Variants in KCNK10 observed in about 807,000 individuals in gnomAD.
KCNK10 encodes potassium two pore domain channel subfamily K member 10.
A neutral mutation model predicts 47.7 loss-of-function variants in KCNK10; 25 were observed. The observed-to-expected ratio is 0.52, with a 90% CI of 0.38 to 0.73. The LOEUF is 0.73. Among genes scored for constraint, KCNK10 ranks in the 30% least tolerant of loss-of-function variants. KCNK10 has a pLI of 0.00. For synonymous variants in KCNK10, 303 were observed against 285.6 expected (o/e 1.06, Z -0.61); for missense variants, 563 against 714.5 (o/e 0.79, Z 2.42).
chr14:88,214,186 ACCT>A (rs1302046764), intron 4 of KCNK10, among the ~76,000 whole-genome samples: 1 of 151,900 alleles, frequency 6.6e-6, no homozygotes, highest in Non-Finnish European at 1.5e-5. Context: ...TGATCCGCCC[ACCT>A]CAGCCTCCCA....
At chr14:88,285,661 G>A (rs1458925598) in intron 1 of KCNK10, among the ~76,000 whole-genome samples, 1 of 152,090 alleles carries the variant, frequency 6.6e-6, no homozygotes, top group Non-Finnish European at 1.5e-5. Context: ...TACAACTTAG[G>A]TTAAGATTAC....
At chr14:88,277,789 T>C (rs1183414991) in intron 1 of KCNK10, among the ~76,000 whole-genome samples, 2 of 152,128 alleles carry the variant, frequency 1.3e-5, no homozygotes, top group Admixed American at 6.5e-5. Flanking sequence ...GAATTTTCCA[T>C]ACCAGAGAGC....
chr14:88,291,745 G>C (rs1887883085), intron 1 of KCNK10, among the ~76,000 whole-genome samples: 1 of 152,202 alleles, frequency 6.6e-6, no homozygotes, highest in African/African-American at 2.4e-5. Flanking sequence ...GGGAAAATCA[G>C]ACATGGGTGC....
rs1420021235 is a variant in KCNK10 at position 88,310,212 on chromosome 14, C to CATATGATATGGT, written c.52+12534_52+12535insACCATATCATAT. On this transcript the variant is annotated intron_variant, in intron 1 of 6. Coordinates refer to ENST00000319231, the MANE Select transcript of KCNK10 (RefSeq NM_138317.3). ...CCATATCATATGGTATATGATATAC[C>CATATGATATGGT]ATATCATATGGTATATGATATACCA... Among the ~76,000 whole-genome samples the CATATGATATGGT allele has an allele frequency of 4.5e-5, 6 of 133,376 alleles. 1 individual carries two copies. The highest frequency in any genetic ancestry group is 4.7e-4 in the South Asian group (2 of 4,300). The allele number at this position is 133,376 out of a possible 152,430, so 87.5% of individuals were successfully genotyped here. A position where few individuals can be genotyped will look rare whatever the true frequency, so the allele number is the denominator to read the frequency against.
chr14:88,240,875 T>G, intron 2 of KCNK10, 55 bp from the exon 3 acceptor site: 1 of 1,172,844 alleles, frequency 8.5e-7, no homozygotes, highest in Non-Finnish European at 1.2e-6. Context: ...TTATTTTTTT[T>G]TTCTTCAAAA....
chr14:88,224,612 TATTG>T (rs1566691837), intron 4 of KCNK10, among the ~76,000 whole-genome samples: 9 of 152,212 alleles, frequency 5.9e-5, no homozygotes. Context: ...TTACTTTATT[TATTG>T]ATTGATTGAT....
At chr14:88,271,541 C>T (rs1887405550) in intron 1 of KCNK10, among the ~76,000 whole-genome samples, 1 of 152,222 alleles carries the variant, frequency 6.6e-6, no homozygotes, top group African/African-American at 2.4e-5. Context: ...GCTCCAAACA[C>T]TCAGTTCGGG....
At position 88,202,549 on chromosome 14, in the gene KCNK10, A is replaced by G. The variant is rs1885134821; in HGVS notation, c.682-10139T>C. On this transcript the variant is annotated intron_variant, in intron 4 of 6. Coordinates refer to ENST00000319231, the MANE Select transcript of KCNK10 (RefSeq NM_138317.3). ...AACAGGGTTAAACCTTGAAGTAGTCATCTAAGAGTCCTCTGTCCTCCGTCC... is the reference window on the plus strand; with the variant it reads ...AACAGGGTTAAACCTTGAAGTAGTCGTCTAAGAGTCCTCTGTCCTCCGTCC... Among the ~76,000 whole-genome samples, 3 of 152,186 alleles carry G rather than the reference A, an allele frequency of 2.0e-5. No individual in the cohort carries two copies. In the South Asian group the frequency reaches 6.2e-4, roughly 32 times the overall value.
chr14:88,266,886 CTAG>C (rs1887273080), intron 1 of KCNK10, among the ~76,000 whole-genome samples: 1 of 152,208 alleles, frequency 6.6e-6, no homozygotes, highest in Non-Finnish European at 1.5e-5. Flanking sequence ...TCCCAAGCTT[CTAG>C]CATCCCTGAG....
At chr14:88,271,779 TTC>T (rs371131061) in intron 1 of KCNK10, among the ~76,000 whole-genome samples, 174 of 152,206 alleles carry the variant, frequency 1.1e-3, no homozygotes, top group African/African-American at 4.1e-3. Context: ...TAAAGGGCTT[TTC>T]TTTCACCCCA....
chr14:88,210,578 C>A (rs989266449), intron 4 of KCNK10, among the ~76,000 whole-genome samples: 3 of 152,126 alleles, frequency 2.0e-5, no homozygotes, highest in African/African-American at 7.2e-5. Context: ...CACTGAGCCA[C>A]CCGTCCTCCC....
chr14:88,231,012 C>T (rs933083986), intron 3 of KCNK10, among the ~76,000 whole-genome samples: 10 of 152,098 alleles, frequency 6.6e-5, no homozygotes, highest in Non-Finnish European at 1.2e-4. Flanking sequence ...GTGGGGCTCA[C>T]ACTCATAATC....
chr14:88,266,378 G>A (rs761926264), intron 1 of KCNK10, among the ~76,000 whole-genome samples: 1 of 152,092 alleles, frequency 6.6e-6, no homozygotes, highest in Non-Finnish European at 1.5e-5. Context: ...ACCCTCATCT[G>A]CCTGGAAAAC....
At chr14:88,251,232 C>CAA (rs1160023262) in intron 2 of KCNK10, among the ~76,000 whole-genome samples, 3,903 of 69,606 alleles carry the variant, frequency 0.056, 294 homozygotes, top group African/African-American at 0.1. Flanking sequence ...GACTCTGTCT[C>CAA]AAAAAAAAAA....
At chr14:88,276,222 G>T (rs750830938) in intron 1 of KCNK10, among the ~76,000 whole-genome samples, 12 of 139,444 alleles carry the variant, frequency 8.6e-5, no homozygotes, top group Non-Finnish European at 1.5e-4. Flanking sequence ...GATGGTGAGG[G>T]CTGAGCCCTC....
chr14:88,315,540 T>C (rs1050861662), intron 1 of KCNK10, among the ~76,000 whole-genome samples: 2 of 152,202 alleles, frequency 1.3e-5, no homozygotes, highest in African/African-American at 4.8e-5. Context: ...TAGTAAGCTA[T>C]ACTATTTATC....
intron 4 of KCNK10, among the ~76,000 whole-genome samples, chr14:88,216,229 A>G (rs1164783872): frequency 6.6e-6 from 1 of 152,190 alleles, no homozygotes; most frequent in Non-Finnish European, 1.5e-5. Context: ...TGGCGCTAGC[A>G]CTGAAAAACT....
intron 1 of KCNK10, among the ~76,000 whole-genome samples, chr14:88,320,415 AC>A (rs1020698495): frequency 5.9e-5 from 9 of 152,174 alleles, no homozygotes; most frequent in African/African-American, 2.2e-4. Flanking sequence ...ACAGAAATGT[AC>A]CTTAAAACAC....
chr14:88,284,882 T>C (rs915196386), intron 1 of KCNK10, among the ~76,000 whole-genome samples: 2 of 152,182 alleles, frequency 1.3e-5, no homozygotes, highest in African/African-American at 4.8e-5. Context: ...TTCACTCTCA[T>C]CTATAAAATG....
Sources: gnomAD v4.1 joint callset for allele counts (sites outside exome capture counted in the v4.1 genomes callset) on GRCh38, gnomAD v4.1.1 for gene constraint, MANE v1.5 for transcripts, NCBI Gene and HGNC (gene_info 2026-07-23, HGNC 2026-07-21) for gene names.